CCSER1: variants seen among roughly 807,000 people sequenced by gnomAD.
CCSER1 encodes serine-rich coiled-coil domain-containing protein 1.
CCSER1 carries 41 observed loss-of-function variants against 82.0 expected under a neutral mutation model. The ratio of observed to expected loss-of-function variants is 0.50; its 90% CI spans 0.39 to 0.65. CCSER1 has a LOEUF of 0.65. CCSER1 is among the 30% of genes least tolerant of loss of function. The probability of loss-of-function intolerance (pLI) is 0.00; values close to 1 mark genes in which losing one functional copy is unlikely to be tolerated. For missense variants in CCSER1, 1,119 were observed against 1,064.2 expected (o/e 1.05, Z -0.72); for synonymous variants, 414 against 383.9 (o/e 1.08, Z -0.92).
At chr4:91,361,123 A>G (rs1012735178) in intron 10 of CCSER1, among the ~76,000 whole-genome samples, 3 of 151,746 alleles carry the variant, frequency 2.0e-5, no homozygotes, top group African/African-American at 7.2e-5. Context: ...CAGATGCTAG[A>G]CCAGAAATAA....
At chr4:90,507,912 A>G (rs1229432863) in intron 5 of CCSER1, among the ~76,000 whole-genome samples, 3 of 151,912 alleles carry the variant, frequency 2.0e-5, no homozygotes, top group Admixed American at 6.6e-5. Flanking sequence ...ATTTTATTTT[A>G]TATAGATATT....
intron 3 of CCSER1, among the ~76,000 whole-genome samples, chr4:90,375,753 C>T (rs1247657422): frequency 6.6e-6 from 1 of 152,192 alleles, no homozygotes; most frequent in Non-Finnish European, 1.5e-5. Flanking sequence ...CCTCCACATG[C>T]TGATTTCAGT....
At chr4:90,413,815 G>A (rs577870722) in intron 4 of CCSER1, among the ~76,000 whole-genome samples, 20 of 149,522 alleles carry the variant, frequency 1.3e-4, no homozygotes, top group Non-Finnish European at 2.4e-4. Flanking sequence ...CGCGCGTAGT[G>A]GCGGGCGCCT....
chr4:90,500,139 T>G (rs992494251), intron 5 of CCSER1, among the ~76,000 whole-genome samples: 4 of 152,184 alleles, frequency 2.6e-5, no homozygotes, highest in African/African-American at 9.7e-5. Context: ...TTTCCCTTTT[T>G]TTCATGCTAG....
Position 90,752,293 on chromosome 4 carries a change from C to T in CCSER1, c.2010+28302C>T, listed in dbSNP as rs1448970442. Among the ~76,000 whole-genome samples, 5 of 152,188 alleles carry T rather than the reference C, an allele frequency of 3.3e-5. No individual in the cohort carries two copies. The South Asian group carries it at 1.0e-3, about 32-fold the overall frequency. ...TGCCTGTAAGTACTATGCTATGCTA[C>T]TTCTCTAATAGAATATATATAGTTC... On this transcript the variant is annotated intron_variant, in intron 7 of 10. Coordinates refer to ENST00000509176, the MANE Select transcript of CCSER1 (RefSeq NM_001145065.2).
intron 5 of CCSER1, among the ~76,000 whole-genome samples, chr4:90,563,992 G>A (rs1448924626): frequency 1.3e-5 from 2 of 152,010 alleles, no homozygotes; most frequent in African/African-American, 4.8e-5. Flanking sequence ...CAAGAGTGAG[G>A]GATATCTCAT....
intron 10 of CCSER1, among the ~76,000 whole-genome samples, chr4:91,354,573 A>G (rs1208431629): frequency 6.6e-6 from 1 of 152,254 alleles, no homozygotes; most frequent in Non-Finnish European, 1.5e-5. Context: ...ACCATTATAC[A>G]GCTTTTGCCT....
At chr4:90,671,917 G>T (rs1732872946) in intron 6 of CCSER1, among the ~76,000 whole-genome samples, 1 of 151,966 alleles carries the variant, frequency 6.6e-6, no homozygotes, top group Non-Finnish European at 1.5e-5. Flanking sequence ...CTCCATCAGA[G>T]AGTCTTAGAT....
At chr4:90,347,471 C>A (rs1742579168) in intron 3 of CCSER1, among the ~76,000 whole-genome samples, 1 of 152,188 alleles carries the variant, frequency 6.6e-6, no homozygotes, top group South Asian at 2.1e-4. Flanking sequence ...CAGTCATCCA[C>A]AGTCCAAAAA....
intron 9 of CCSER1, among the ~76,000 whole-genome samples, chr4:90,994,238 T>A (rs1415627705): frequency 1.3e-5 from 2 of 151,848 alleles, no homozygotes; most frequent in Admixed American, 6.6e-5. Context: ...AAAAAGAAAA[T>A]GCATTCAATA....
At position 91,123,797 on chromosome 4, in the gene CCSER1, A is replaced by T. The variant is rs182974019; in HGVS notation, c.2217+37803A>T. On this transcript the variant is annotated intron_variant, in intron 10 of 10. Transcript: ENST00000509176. Reference sequence around the variant, plus strand: ...ATAACAATTTACAAGAAAAAGAATAATTTTTTTCTGTATGTAACTGAGACA... The same window carrying T: ...ATAACAATTTACAAGAAAAAGAATATTTTTTTTCTGTATGTAACTGAGACA... 4.6e-5 allele frequency among the ~76,000 whole-genome samples: 7 copies of T among 151,846 alleles called. No homozygotes were observed. In the East Asian group the frequency reaches 9.7e-4, roughly 21 times the overall value.
At chr4:90,508,450 C>G (rs893097104) in intron 5 of CCSER1, among the ~76,000 whole-genome samples, 1 of 151,904 alleles carries the variant, frequency 6.6e-6, no homozygotes, top group African/African-American at 2.4e-5. Context: ...CATGAGGTTT[C>G]TTCCCCGCTA....
At chr4:91,582,305 TGTTA>T (rs1241679564) in intron 10 of CCSER1, among the ~76,000 whole-genome samples, 5 of 151,580 alleles carry the variant, frequency 3.3e-5, no homozygotes, top group Non-Finnish European at 7.4e-5. Flanking sequence ...TTGTCTGAAC[TGTTA>T]GTTAAGATTC....
At chr4:90,201,172 T>A (rs1737635205) in intron 1 of CCSER1, among the ~76,000 whole-genome samples, 1 of 152,164 alleles carries the variant, frequency 6.6e-6, no homozygotes, top group Admixed American at 6.6e-5. Flanking sequence ...CTAGGGCAAA[T>A]ATACACATTA....
chr4:90,923,169 G>C (rs1164181985), intron 8 of CCSER1, among the ~76,000 whole-genome samples: 2 of 152,134 alleles, frequency 1.3e-5, no homozygotes, highest in Non-Finnish European at 2.9e-5. Flanking sequence ...TAGAAGAAAA[G>C]ATGCTTAAGG....
intron 3 of CCSER1, among the ~76,000 whole-genome samples, chr4:90,353,641 C>T (rs931807895): frequency 6.6e-6 from 1 of 152,138 alleles, no homozygotes; most frequent in Non-Finnish European, 1.5e-5. Context: ...CTTAATTTTC[C>T]TGACTCCAAG....
chr4:91,167,715 T>C (rs763260777), intron 10 of CCSER1, among the ~76,000 whole-genome samples: 63 of 152,344 alleles, frequency 4.1e-4, no homozygotes, highest in Non-Finnish European at 8.7e-4. Context: ...AGGGAATATA[T>C]ATGATTTACC....
chr4:90,372,424 G>C (rs1747594762), intron 3 of CCSER1, among the ~76,000 whole-genome samples: 1 of 152,168 alleles, frequency 6.6e-6, no homozygotes, highest in Non-Finnish European at 1.5e-5. Context: ...TGATATTGGA[G>C]CATGGTGTGA....
intron 7 of CCSER1, among the ~76,000 whole-genome samples, chr4:90,760,386 C>T (rs1292035020): frequency 1.3e-5 from 2 of 151,892 alleles, no homozygotes; most frequent in Non-Finnish European, 2.9e-5. Context: ...AATCTGAAGT[C>T]TTCTTCAGTA....
Sources: gnomAD v4.1 joint callset for allele counts (sites outside exome capture counted in the v4.1 genomes callset) on GRCh38, gnomAD v4.1.1 for gene constraint, MANE v1.5 for transcripts, NCBI Gene and HGNC (gene_info 2026-07-23, HGNC 2026-07-21) for gene names.